YAP1: variants seen among roughly 807,000 people sequenced by gnomAD.
YAP1 encodes the protein transcriptional coactivator YAP1.
Under a neutral mutation model 56.9 loss-of-function variants are expected in YAP1, and 5 were observed. That is an observed-to-expected ratio of 0.09 (90% CI 0.05 to 0.18). The LOEUF (loss-of-function observed/expected upper bound fraction) is 0.18. YAP1 is among the 10% of genes least tolerant of loss of function. The probability of loss-of-function intolerance (pLI) is 1.00; values close to 1 mark genes in which losing one functional copy is unlikely to be tolerated. For missense variants in YAP1, 539 were observed against 651.8 expected (o/e 0.83, Z 1.88); for synonymous variants, 265 against 248.1 (o/e 1.07, Z -0.64).
chr11:102,203,181 T>G (rs1477315011), intron 4 of YAP1, among the ~76,000 whole-genome samples: 1 of 152,152 alleles, frequency 6.6e-6, no homozygotes, highest in Non-Finnish European at 1.5e-5. Context: ...TAGCCCTGGG[T>G]TAGGGCCCAT....
chr11:102,156,721 A>G (rs150940633), intron 2 of YAP1, among the ~76,000 whole-genome samples: 5 of 152,298 alleles, frequency 3.3e-5, no homozygotes, highest in Non-Finnish European at 7.4e-5. Context: ...AAGATGTTCA[A>G]TTTTGCTGAA....
At chr11:102,174,582 C>CAA (rs1206472905) in intron 3 of YAP1, among the ~76,000 whole-genome samples, 1 of 139,826 alleles carries the variant, frequency 7.2e-6, no homozygotes, top group Non-Finnish European at 1.6e-5. Context: ...GACTCCATCT[C>CAA]AAAAAAAAAA....
Position 102,230,982 on chromosome 11 carries a change from G to A in YAP1, c.*1042G>A, listed in dbSNP as rs529146895. The A allele has an allele frequency of 6.6e-6, 1 of 152,088 alleles. No individual in the cohort carries two copies. The highest frequency in any genetic ancestry group is 1.5e-5 in the Non-Finnish European group (1 of 68,024). 9.4% of individuals were successfully genotyped at this position (152,088 alleles called of 1,614,324 possible). The stretch of plus-strand genomic sequence containing the variant: ...AATGGTAGCGCTTTGTATGCATTTA[G>A]AATACATGACTAGTAGTTTATATTT... On this transcript the variant is annotated 3_prime_UTR_variant, in exon 9 of 9. Coordinates refer to ENST00000282441, the MANE Select transcript of YAP1 (RefSeq NM_001130145.3).
At chr11:102,201,009 A>G (rs934735748) in intron 4 of YAP1, among the ~76,000 whole-genome samples, 14 of 152,182 alleles carry the variant, frequency 9.2e-5, no homozygotes, top group Admixed American at 4.6e-4. Flanking sequence ...GCGGTGGTGT[A>G]AATTTGGCGA....
At chr11:102,140,249 T>C (rs1295374824) in intron 2 of YAP1, among the ~76,000 whole-genome samples, 1 of 152,032 alleles carries the variant, frequency 6.6e-6, no homozygotes. Context: ...TCAAGGAAAA[T>C]TTTATATAGC....
intron 8 of YAP1, among the ~76,000 whole-genome samples, chr11:102,228,634 CAAAAAAAAAA>C (rs71059544): frequency 1.2e-3 from 37 of 31,644 alleles, no homozygotes; most frequent in Admixed American, 5.5e-3. Context: ...GACTCCGTCT[CAAAAAAAAAA>C]AAAAAAAAAA....
intron 3 of YAP1, among the ~76,000 whole-genome samples, chr11:102,183,884 G>T (rs934502222): frequency 6.6e-6 from 1 of 151,704 alleles, no homozygotes; most frequent in Admixed American, 6.6e-5. Flanking sequence ...AGACCATCCC[G>T]GCTAAAATGG....
intron 5 of YAP1, among the ~76,000 whole-genome samples, chr11:102,206,582 A>G (rs1022099952): frequency 2.0e-5 from 3 of 152,244 alleles, no homozygotes; most frequent in Non-Finnish European, 2.9e-5. Context: ...GCGGTGGCTC[A>G]TGCCTGTAAT....
chr11:102,209,555 A>G lies in YAP1; in HGVS notation c.1023A>G (p.Pro341=), dbSNP rs1169923789. ...RNINPSTANS[P]KCQELALRSQ... is the part of the protein sequence containing the mutation. ...TCAATCCCAGCACAGCAAATTCTCC[A>G]AAATGTCAGGTAGGCTCTTATCTGA... Residue 341 remains proline, a synonymous_variant, in exon 6 of 9, where the codon CCA becomes CCG. Coordinates refer to ENST00000282441, the MANE Select transcript of YAP1 (RefSeq NM_001130145.3). 6.3e-7 allele frequency: 1 copy of G among 1,599,230 alleles called. No individual in the cohort carries two copies. Among genetic ancestry groups the G allele is most frequent in the Non-Finnish European group, 8.5e-7 (1 of 1,175,690 alleles).
At chr11:102,216,204 G>A (rs1435653665) in intron 6 of YAP1, among the ~76,000 whole-genome samples, 2 of 152,254 alleles carry the variant, frequency 1.3e-5, no homozygotes, top group East Asian at 1.9e-4. Context: ...TGTTTCCATC[G>A]TGAGTAAGTT....
In YAP1 at chr11:102,223,596, T is replaced by G. The variant is rs200895493; in HGVS notation, c.1033-26T>G. ...TTAAATGTGTTAATCAGTAGATTGA[T>G]TCTCTTTGGCTTTATTTTTAATTAG... On this transcript the variant is annotated intron_variant, in intron 6 of 8. Coordinates refer to ENST00000282441, the MANE Select transcript of YAP1 (RefSeq NM_001130145.3). 1.2e-4 allele frequency: 196 copies of G among 1,608,590 alleles called. No individual in the cohort carries two copies. The African/African-American group carries it at 2.3e-3, about 19-fold the overall frequency.
At chr11:102,137,293 A>T (rs564201193) in intron 2 of YAP1, among the ~76,000 whole-genome samples, 7 of 152,220 alleles carry the variant, frequency 4.6e-5, no homozygotes, top group Non-Finnish European at 8.8e-5. Flanking sequence ...CTAAGAGAAT[A>T]GGGTATCATG....
At chr11:102,178,538 TATGAC>T (rs1284516130) in intron 3 of YAP1, among the ~76,000 whole-genome samples, 1 of 152,232 alleles carries the variant, frequency 6.6e-6, no homozygotes, top group African/African-American at 2.4e-5. Context: ...CCTTCAGTGT[TATGAC>T]ATGGAGTATT....
At chr11:102,180,196 A>T (rs1043807418) in intron 3 of YAP1, among the ~76,000 whole-genome samples, 18 of 151,754 alleles carry the variant, frequency 1.2e-4, no homozygotes, top group African/African-American at 4.3e-4. Context: ...TTTAGTAGAG[A>T]TGGGGTTTCA....
At position 102,186,011 on chromosome 11, in the gene YAP1, A is replaced by G. The variant is rs746614602; in HGVS notation, c.689-7A>G. On this transcript the variant is annotated splice_polypyrimidine_tract_variant and splice_region_variant and intron_variant, in intron 3 of 8. Transcript: ENST00000282441. ...CCATGATTTTTTTTTTTTTTTCTGT[A>G]TTATAGGTCCTCTTCCTGATGGATG... The G allele has an allele frequency of 6.8e-6, 10 of 1,459,870 alleles. No homozygotes were observed. Among genetic ancestry groups the G allele is most frequent in the Admixed American group, 2.4e-5 (1 of 40,822 alleles). The allele number at this position is 1,459,870 out of a possible 1,614,324, so 90.4% of individuals were successfully genotyped here.
In YAP1 at chr11:102,203,584, G is replaced by C. The variant is rs576857626; in HGVS notation, c.803-2309G>C. Among the ~76,000 whole-genome samples, 4 of 152,304 alleles carry C rather than the reference G, an allele frequency of 2.6e-5. No individual in the cohort carries two copies. The South Asian group carries it at 8.3e-4, about 32-fold the overall frequency. Reference sequence around the variant, plus strand: ...GATAGAGGTAAAAGAGATTGGCCATGTATTAACAATTGGGAAGAAAGCGAG... The same window carrying C: ...GATAGAGGTAAAAGAGATTGGCCATCTATTAACAATTGGGAAGAAAGCGAG... On this transcript the variant is annotated intron_variant, in intron 4 of 8. Coordinates refer to ENST00000282441, the MANE Select transcript of YAP1 (RefSeq NM_001130145.3).
At chr11:102,180,020 T>C (rs1018316428) in intron 3 of YAP1, among the ~76,000 whole-genome samples, 2 of 150,090 alleles carry the variant, frequency 1.3e-5, no homozygotes, top group Middle Eastern at 3.4e-3. Flanking sequence ...TTTTTTTTTT[T>C]TTTTTTGAGA....
intron 6 of YAP1, among the ~76,000 whole-genome samples, chr11:102,219,900 T>C (rs566528952): frequency 1.3e-5 from 2 of 151,748 alleles, no homozygotes; most frequent in African/African-American, 4.8e-5. Context: ...CCTGGCTAAT[T>C]TTTTTATATT....
At chr11:102,216,615 A>G (rs1329378612) in intron 6 of YAP1, among the ~76,000 whole-genome samples, 1 of 152,180 alleles carries the variant, frequency 6.6e-6, no homozygotes, top group Non-Finnish European at 1.5e-5. Context: ...GCCTTGGGAC[A>G]TAATTGGATT....
Sources: gnomAD v4.1 joint callset for allele counts (sites outside exome capture counted in the v4.1 genomes callset) on GRCh38, gnomAD v4.1.1 for gene constraint, MANE v1.5 for transcripts, NCBI Gene and HGNC (gene_info 2026-07-23, HGNC 2026-07-21) for gene names.